The following GALNTL6 variants were observed in gnomAD, a reference collection of about 807,000 sequenced individuals.
GALNTL6 encodes the protein polypeptide N-acetylgalactosaminyltransferase-like 6.
A neutral mutation model predicts 73.7 loss-of-function variants in GALNTL6; 46 were observed. That is an observed-to-expected ratio of 0.62 (90% CI 0.49 to 0.80). The LOEUF (loss-of-function observed/expected upper bound fraction) is 0.80, where lower values mean the gene tolerates loss of function less well. Ranked by LOEUF, GALNTL6 falls within the 30% of genes least tolerant of loss-of-function variation. The pLI is 0.00. For missense variants in GALNTL6, 604 were observed against 755.0 expected (o/e 0.80, Z 2.34); for synonymous variants, 259 against 263.7 (o/e 0.98, Z 0.17).
chr4:172,271,011 A>G (rs543057289), intron 3 of GALNTL6, among the ~76,000 whole-genome samples: 6 of 152,276 alleles, frequency 3.9e-5, no homozygotes, highest in African/African-American at 1.2e-4. Context: ...TCCCATAGAT[A>G]AAGACCCAGA....
At chr4:171,862,852 T>C (rs567326983) in intron 2 of GALNTL6, among the ~76,000 whole-genome samples, 1 of 152,272 alleles carries the variant, frequency 6.6e-6, no homozygotes, top group African/African-American at 2.4e-5. Flanking sequence ...CCCCAAATTA[T>C]CTGAGTTTTT....
intron 10 of GALNTL6, among the ~76,000 whole-genome samples, chr4:172,956,982 T>C (rs1749782159): frequency 6.6e-6 from 1 of 152,186 alleles, no homozygotes; most frequent in African/African-American, 2.4e-5. Context: ...AGGAATTACG[T>C]CTGACAGAAG....
chr4:172,570,180 C>G (rs1012806580), intron 5 of GALNTL6, among the ~76,000 whole-genome samples: 5 of 151,984 alleles, frequency 3.3e-5, no homozygotes, highest in Non-Finnish European at 7.4e-5. Flanking sequence ...TGAGAAGGTA[C>G]GGAGAGAGAA....
At chr4:172,198,059 C>A (rs1007591662) in intron 2 of GALNTL6, among the ~76,000 whole-genome samples, 4 of 152,002 alleles carry the variant, frequency 2.6e-5, no homozygotes, top group African/African-American at 9.6e-5. Context: ...TGCAGTGAGC[C>A]AAGATTGTGC....
intron 5 of GALNTL6, among the ~76,000 whole-genome samples, chr4:172,377,628 C>T (rs1206050657): frequency 6.6e-6 from 1 of 152,170 alleles, no homozygotes; most frequent in East Asian, 1.9e-4. Flanking sequence ...CGGGAGCCCA[C>T]CGGTTGTGGG....
chr4:172,217,687 C>T (rs996747547), intron 2 of GALNTL6, among the ~76,000 whole-genome samples: 23 of 152,222 alleles, frequency 1.5e-4, no homozygotes, highest in South Asian at 4.2e-4. Context: ...TTCCTTCATT[C>T]GAGCCCTTAA....
intron 7 of GALNTL6, among the ~76,000 whole-genome samples, chr4:172,880,386 A>G (rs577585803): frequency 4.1e-4 from 63 of 152,130 alleles, no homozygotes; most frequent in Non-Finnish European, 7.7e-4. Flanking sequence ...GTTATATTGA[A>G]TGGAAGAAGA....
At chr4:172,482,407 C>T (rs1733523901) in intron 5 of GALNTL6, among the ~76,000 whole-genome samples, 1 of 152,328 alleles carries the variant, frequency 6.6e-6, no homozygotes, top group Admixed American at 6.5e-5. Context: ...GAGAGGGCCA[C>T]CAGCACGTTG....
chr4:172,746,202 A>G (rs1429870102), intron 5 of GALNTL6, among the ~76,000 whole-genome samples: 2 of 152,102 alleles, frequency 1.3e-5, no homozygotes, highest in African/African-American at 4.8e-5. Context: ...GTCAATTTCT[A>G]TAAGCCTCAA....
At chr4:172,813,223 C>T (rs1051061104) in intron 6 of GALNTL6, among the ~76,000 whole-genome samples, 2 of 152,102 alleles carry the variant, frequency 1.3e-5, no homozygotes, top group East Asian at 1.9e-4. Context: ...TGCACATGTT[C>T]GATTCACGAT....
chr4:172,545,651 T>TA (rs1308782113), intron 5 of GALNTL6: 4 of 152,232 alleles, frequency 2.6e-5, no homozygotes, highest in African/African-American at 9.6e-5. Flanking sequence ...CTGTTTAGTT[T>TA]AAACACTTGG....
chr4:172,403,829 A>G (rs1744124537), intron 5 of GALNTL6, among the ~76,000 whole-genome samples: 2 of 151,950 alleles, frequency 1.3e-5, no homozygotes, highest in Admixed American at 6.6e-5. Flanking sequence ...TTCTTTTGTT[A>G]GTTCATTTCT....
In GALNTL6 at chr4:172,689,999, A is replaced by G. The variant is rs755073272; in HGVS notation, c.554-119362A>G. 8.5e-5 allele frequency among the ~76,000 whole-genome samples: 13 copies of G among 152,340 alleles called. No homozygotes were observed. In the South Asian group the frequency reaches 1.2e-3, roughly 15 times the overall value. ...ATTACAAATTAACTTCAGAGGTATA[A>G]GGTATATCCATAAAGAATGTCATGA... On this transcript the variant is annotated intron_variant, in intron 5 of 12. Transcript: ENST00000506823.
intron 7 of GALNTL6, among the ~76,000 whole-genome samples, chr4:172,822,949 G>A (rs1366010398): frequency 2.6e-5 from 4 of 152,020 alleles, no homozygotes; most frequent in South Asian, 2.1e-4. Flanking sequence ...CCTTAGCTGG[G>A]CATTTTCATG....
intron 5 of GALNTL6, among the ~76,000 whole-genome samples, chr4:172,543,185 C>T (rs1160953809): frequency 6.6e-6 from 1 of 152,150 alleles, no homozygotes; most frequent in African/African-American, 2.4e-5. Context: ...ATTTCAAAGT[C>T]AACAAGAAAT....
At chr4:171,827,373 G>T (rs1484899423) in intron 2 of GALNTL6, among the ~76,000 whole-genome samples, 1 of 152,104 alleles carries the variant, frequency 6.6e-6, no homozygotes, top group African/African-American at 2.4e-5. Flanking sequence ...GACTCAGGGC[G>T]CATAGCCATA....
At chr4:172,028,010 C>A (rs1224629146) in intron 2 of GALNTL6, among the ~76,000 whole-genome samples, 2 of 152,024 alleles carry the variant, frequency 1.3e-5, no homozygotes, top group Admixed American at 1.3e-4. Flanking sequence ...GAAGCTATAG[C>A]AGATTACCCA....
At chr4:172,198,154 A>C (rs1735834665) in intron 2 of GALNTL6, among the ~76,000 whole-genome samples, 1 of 152,172 alleles carries the variant, frequency 6.6e-6, no homozygotes, top group East Asian at 1.9e-4. Flanking sequence ...AATCCTTAGA[A>C]AATTTAGGCA....
chr4:171,996,361 A>T (rs1740482377), intron 2 of GALNTL6, among the ~76,000 whole-genome samples: 1 of 152,102 alleles, frequency 6.6e-6, no homozygotes, highest in Admixed American at 6.6e-5. Flanking sequence ...ATTGCATTGT[A>T]TTGATGTGAT....
Sources: gnomAD v4.1 joint callset for allele counts (sites outside exome capture counted in the v4.1 genomes callset) on GRCh38, gnomAD v4.1.1 for gene constraint, MANE v1.5 for transcripts, NCBI Gene and HGNC (gene_info 2026-07-23, HGNC 2026-07-21) for gene names.